PNPLA5: variants seen among roughly 807,000 people sequenced by gnomAD.
PNPLA5 encodes the protein patatin like domain 5, triacylglycerol lipase.
PNPLA5 carries 44 observed loss-of-function variants against 49.1 expected under a neutral mutation model. The ratio of observed to expected loss-of-function variants is 0.90; its 90% CI spans 0.70 to 1.15. The LOEUF is 1.15. Among genes scored for constraint, PNPLA5 ranks in the 50% most tolerant of loss-of-function variants. The pLI is 0.00. For synonymous variants in PNPLA5, 243 were observed against 244.4 expected (o/e 0.99, Z 0.06); for missense variants, 603 against 564.0 (o/e 1.07, Z -0.70).
Position 43,880,968 on chromosome 22 carries a change from A to G in PNPLA5, c.1200-83T>C, listed in dbSNP as rs945010245. Reference sequence around the variant, plus strand: ...ACCACGTGGGTGCAGGCGCAGCCACAGTGAACCCAGGTCACTCTTCCCCCA... The same window carrying G: ...ACCACGTGGGTGCAGGCGCAGCCACGGTGAACCCAGGTCACTCTTCCCCCA... On this transcript the variant is annotated intron_variant, in intron 8 of 8. Coordinates refer to ENST00000216177, the MANE Select transcript of PNPLA5 (RefSeq NM_138814.4). 2.3e-5 allele frequency: 29 copies of G among 1,263,402 alleles called. No homozygotes were observed. The African/African-American group carries it at 3.8e-4, about 17-fold the overall frequency. The allele number at this position is 1,263,402 out of a possible 1,614,324, so 78.3% of individuals were successfully genotyped here.
At chr22:43,887,070 A>AACACAC (rs147288997) in intron 5 of PNPLA5, among the ~76,000 whole-genome samples, 15,811 of 149,488 alleles carry the variant, frequency 0.11, 969 homozygotes, top group East Asian at 0.28. Flanking sequence ...CTGCCCCATG[A>AACACAC]ACACACACAC....
chr22:43,879,830 CAGG>C lies in PNPLA5; in HGVS notation c.*962_*964del, dbSNP rs2049590859. 6.6e-6 allele frequency: 1 copy of C among 152,236 alleles called. No individual in the cohort carries two copies. Among genetic ancestry groups the C allele is most frequent in the Admixed American group, 6.5e-5 (1 of 15,290 alleles). 9.4% of individuals were successfully genotyped at this position (152,236 alleles called of 1,614,324 possible). On this transcript the variant is annotated 3_prime_UTR_variant, in exon 9 of 9. Coordinates refer to ENST00000216177, the MANE Select transcript of PNPLA5 (RefSeq NM_138814.4). ...TCAGCCTCCCAAGTAGCCAGGACCA[CAGG>C]CATGCACCACCATGCCCAGCTAAGT...
chr22:43,891,259 G>A lies in PNPLA5; in HGVS notation c.229C>T (p.Gln77Ter). 6.4e-7 allele frequency: 1 copy of A among 1,556,468 alleles called. No individual in the cohort carries two copies. The highest frequency in any genetic ancestry group is 8.7e-7 in the Non-Finnish European group (1 of 1,150,400). The change falls in exon 2 of 9, where the codon CAG (glutamine) becomes TAG (stop). Residue 77 changes from glutamine (Q) to a stop codon, truncating the protein, a stop_gained. Transcript: ENST00000216177. LOFTEE classifies it high-confidence loss of function. Reference protein sequence around the residue: ...CCSHLLGMVGQLERLSLSILH... With the variant: ...CCSHLLGMVG ...ATGCTTAGGCTCAGCCGCTCCAACT[G>A]CCCAACCATGCCCAGGAGGTGGGAG...
chr22:43,886,329 T>C lies in PNPLA5; in HGVS notation c.923A>G (p.Glu308Gly), dbSNP rs2148328051. 1.9e-6 allele frequency: 3 copies of C among 1,613,808 alleles called. No homozygotes were observed. In the East Asian group the frequency reaches 6.7e-5, roughly 36 times the overall value. Reference sequence around the variant, plus strand: ...AGCCTCCAGCTCTGGTGAGAGCTGCTCAAAGTTGGGTACATCCTTGACTTG... The same window carrying C: ...AGCCTCCAGCTCTGGTGAGAGCTGCCCAAAGTTGGGTACATCCTTGACTTG... ...HVQVKDVPNFEQLSPELEAAL... is the reference protein window; with the variant it reads ...HVQVKDVPNFGQLSPELEAAL... The change falls in exon 6 of 9, where the codon GAG becomes GGG. Residue 308 changes from glutamate (E) to glycine (G), a missense_variant. Transcript: ENST00000216177.
At chr22:43,885,051 C>G (rs1422288401) in intron 6 of PNPLA5, among the ~76,000 whole-genome samples, 1 of 152,226 alleles carries the variant, frequency 6.6e-6, no homozygotes, top group Non-Finnish European at 1.5e-5. Flanking sequence ...ACTGGGGATC[C>G]CAGCAGGACA....
At chr22:43,884,487 C>T in intron 6 of PNPLA5, 142 bp from the exon 7 acceptor site, 2 of 1,200,956 alleles carry the variant, frequency 1.7e-6, no homozygotes, top group Non-Finnish European at 2.2e-6. Context: ...GCCCCCACCA[C>T]AGGCCAGCAG....
chr22:43,888,603 T>G (rs1423144499), intron 4 of PNPLA5, among the ~76,000 whole-genome samples: 1 of 151,872 alleles, frequency 6.6e-6, no homozygotes, highest in East Asian at 1.9e-4. Flanking sequence ...CCCAGCTAAT[T>G]TTTGTATTTT....
In PNPLA5 at chr22:43,880,799, G is replaced by A. The variant is rs747998867; in HGVS notation, c.1286C>T (p.Ala429Val). ...GGCTGGCCCTGCTCGGCCCCCTCAG[G>A]CCTGGTGGGTGGGCCCGAGCTCCTC... Reference protein sequence around the residue: ...HREELGPTHQA With the variant: ...HREELGPTHQV The change falls in exon 9 of 9, where the codon GCC becomes GTC. Residue 429 changes from alanine to valine, a missense_variant. Coordinates refer to ENST00000216177, the MANE Select transcript of PNPLA5 (RefSeq NM_138814.4). 7.5e-7 allele frequency: 1 copy of A among 1,336,786 alleles called. No individual in the cohort carries two copies. The highest frequency in any genetic ancestry group is 9.6e-7 in the Non-Finnish European group (1 of 1,037,748). 82.8% of individuals were successfully genotyped at this position (1,336,786 alleles called of 1,614,324 possible). A position where few individuals can be genotyped will look rare whatever the true frequency, so the allele number is the denominator to read the frequency against.
At chr22:43,884,881 G>A (rs2049646401) in intron 6 of PNPLA5, among the ~76,000 whole-genome samples, 1 of 152,190 alleles carries the variant, frequency 6.6e-6, no homozygotes, top group South Asian at 2.1e-4. Flanking sequence ...CCAGCCTCCA[G>A]ACACAGCCCA....
intron 3 of PNPLA5, 105 bp downstream of exon 3, chr22:43,889,694 A>T (rs2049702867): frequency 5.3e-6 from 8 of 1,518,538 alleles, no homozygotes; most frequent in African/African-American, 1.4e-5. Context: ...GGCCTGGCAC[A>T]CAGTAGGTGC....
At chr22:43,883,797 T>C in intron 7 of PNPLA5, among the ~76,000 whole-genome samples, 1 of 141,472 alleles carries the variant, frequency 7.1e-6, no homozygotes, top group African/African-American at 2.6e-5. Flanking sequence ...GGCAATAGAG[T>C]GAGACTCTGT....
intron 8 of PNPLA5, 22 bp downstream of exon 8, chr22:43,881,536 C>A: frequency 6.4e-7 from 1 of 1,559,994 alleles, no homozygotes; most frequent in Non-Finnish European, 8.7e-7. Flanking sequence ...CCCTCTCCAT[C>A]CCTGCCCTCT....
rs1193950148 is a variant in PNPLA5, at chr22:43,884,293, G to A, written c.1002C>T (p.His334=). 2 of 1,601,376 alleles carry A rather than the reference G, an allele frequency of 1.2e-6. No individual in the cohort carries two copies. Among genetic ancestry groups the A allele is most frequent in the Non-Finnish European group, 1.7e-6 (2 of 1,173,728 alleles). ...RDPSRWARFW[H]SGPGQVLTYL... is the part of the protein sequence containing the mutation. ...ACGTCAGCACCTGTCCAGGCCCCGA[G>A]TGCCAGAAGCGGGCCCACCGGCTGG... Residue 334 remains histidine (H), a synonymous_variant, in exon 7 of 9, where the codon CAC becomes CAT. Transcript: ENST00000216177.
At chr22:43,883,276 T>A (rs1276161326) in intron 7 of PNPLA5, among the ~76,000 whole-genome samples, 1 of 151,884 alleles carries the variant, frequency 6.6e-6, no homozygotes, top group African/African-American at 2.4e-5. Context: ...AACCTCTAGG[T>A]GGCGCTGTAG....
At chr22:43,885,117 A>C (rs189825744) in intron 6 of PNPLA5, among the ~76,000 whole-genome samples, 27 of 152,298 alleles carry the variant, frequency 1.8e-4, no homozygotes, top group Middle Eastern at 3.4e-3. Context: ...TTCCCTTCCC[A>C]AATGGCGAGG....
At position 43,892,010 on chromosome 22, in the gene PNPLA5, T is replaced by G. The variant is rs1603413262; in HGVS notation, c.-130A>C. On this transcript the variant is annotated 5_prime_UTR_variant, in exon 1 of 9. Coordinates refer to ENST00000216177, the MANE Select transcript of PNPLA5 (RefSeq NM_138814.4). ...CTGGAGGGAGCCGGGCTGGGGCTGGTGCTGGTGCTCCCTGCGCCGCCCCCG... is the reference window on the plus strand; with the variant it reads ...CTGGAGGGAGCCGGGCTGGGGCTGGGGCTGGTGCTCCCTGCGCCGCCCCCG... 4.2e-6 allele frequency: 4 copies of G among 946,234 alleles called. No individual in the cohort carries two copies. The East Asian group carries it at 9.6e-5, about 23-fold the overall frequency. 58.6% of individuals were successfully genotyped at this position (946,234 alleles called of 1,614,324 possible).
At chr22:43,889,586 C>T in intron 3 of PNPLA5, 48 bp from the exon 4 acceptor site, 2 of 1,556,706 alleles carry the variant, frequency 1.3e-6, no homozygotes, top group Non-Finnish European at 1.7e-6. Context: ...CTCAGAGGGC[C>T]TCCCACACTG....
At chr22:43,883,497 G>A (rs115851929) in intron 7 of PNPLA5, among the ~76,000 whole-genome samples, 39 of 152,330 alleles carry the variant, frequency 2.6e-4, no homozygotes, top group African/African-American at 9.1e-4. Flanking sequence ...CAGCCGGCCT[G>A]GCTTGGAAGG....
At chr22:43,888,103 C>T (rs1320828368) in intron 4 of PNPLA5, among the ~76,000 whole-genome samples, 1 of 152,214 alleles carries the variant, frequency 6.6e-6, no homozygotes, top group African/African-American at 2.4e-5. Context: ...CCAGGAGCCC[C>T]ACTTGCCTGT....
Sources: allele counts gnomAD v4.1 joint callset (sites outside exome capture counted in the v4.1 genomes callset), GRCh38; gene constraint gnomAD v4.1.1; transcripts MANE v1.5; gene names NCBI Gene and HGNC (gene_info 2026-07-23, HGNC 2026-07-21).